Variants in DOCK11 observed in about 807,000 individuals in gnomAD.
The protein encoded by DOCK11 is dedicator of cytokinesis protein 11.
DOCK11 carries 70 observed loss-of-function variants against 169.1 expected under a neutral mutation model. The observed-to-expected ratio is 0.41, with a 90% CI of 0.34 to 0.51. The LOEUF is 0.51. Ranked by LOEUF, DOCK11 falls within the 20% of genes least tolerant of loss-of-function variation. The pLI, the probability that DOCK11 is intolerant of heterozygous loss-of-function variation, is 0.10. For missense variants in DOCK11, 1,166 were observed against 1,538.8 expected, an observed-to-expected ratio of 0.76 and a Z score of 4.05; for synonymous variants, 529 against 541.3, an observed-to-expected ratio of 0.98 and a Z score of 0.32.
At chrX:118,636,090 C>T (rs773138828) in intron 35 of DOCK11, among the ~76,000 whole-genome samples, 4 of 111,524 alleles carry the variant, frequency 3.6e-5, no homozygotes, top group Non-Finnish European at 7.5e-5. Context: ...TTGGGATAAG[C>T]GACCCAAAAG....
rs200336678 is a variant in DOCK11, at chrX:118,543,499, A to G, written c.310-12A>G. On this transcript the variant is annotated splice_polypyrimidine_tract_variant and intron_variant, in intron 3 of 52. Transcript: ENST00000276202. ...CCTATATTTCAAATTCAAGATTCCT[A>G]TTTTCTTTCAGTGTATTAAAACCTA... is the stretch of plus-strand genomic sequence containing the variant. 2 of 1,174,166 alleles carry G rather than the reference A, an allele frequency of 1.7e-6. No individual in the cohort carries two copies.
intron 49 of DOCK11, 65 bp downstream of exon 49, chrX:118,680,757 A>C (rs2016724911): frequency 1.1e-6 from 1 of 890,729 alleles, no homozygotes; most frequent in Non-Finnish European, 1.6e-6. Context: ...CACGAGTAGC[A>C]GCTGGCCAGC....
chrX:118,586,468 C>G (rs1233777873), intron 16 of DOCK11, among the ~76,000 whole-genome samples: 1 of 111,190 alleles, frequency 9.0e-6, no homozygotes, highest in Non-Finnish European at 1.9e-5. Context: ...AACTCACTCA[C>G]TATCACAAGA....
At chrX:118,678,864 G>A in intron 48 of DOCK11, among the ~76,000 whole-genome samples, 1 of 110,633 alleles carries the variant, frequency 9.0e-6, no homozygotes, top group Non-Finnish European at 1.9e-5. Context: ...TTGACCTCCT[G>A]TGCTCAAGCG....
rs181098017 is a variant in DOCK11, at chrX:118,618,104, T to C, written c.3293-446T>C. On this transcript the variant is annotated intron_variant, in intron 30 of 52. Transcript: ENST00000276202. ...ACTGTCAGACTATTCAGTTGTTTAG[T>C]TTGTCTTTTCCCACTTTATAAGTAT... Among the ~76,000 whole-genome samples, 83 of 112,127 alleles carry C rather than the reference T, an allele frequency of 7.4e-4. 1 individual carries two copies. The highest frequency in any genetic ancestry group is 6.6e-3 in the Admixed American group (69 of 10,513).
At chrX:118,509,728 G>GTTCCAGTT (rs2057637610) in intron 1 of DOCK11, among the ~76,000 whole-genome samples, 1 of 112,463 alleles carries the variant, frequency 8.9e-6, no homozygotes, top group Non-Finnish European at 1.9e-5. Context: ...ACACAGATGT[G>GTTCCAGTT]TTCCAGTTCT....
chrX:118,644,292 TTTC>T (rs1486058910), intron 40 of DOCK11, among the ~76,000 whole-genome samples: 1 of 112,254 alleles, frequency 8.9e-6, no homozygotes, highest in African/African-American at 3.2e-5. Flanking sequence ...AGAAATTCAG[TTTC>T]TTTATTTGTG....
rs779902302 is a variant in DOCK11 at position 118,654,919 on chromosome X, G to A, written c.4927G>A (p.Val1643Ile). The change falls in exon 44 of 53, where the codon GTC (valine) becomes ATC (isoleucine). Residue 1643 changes from valine to isoleucine, a missense_variant. By Grantham distance (29) the Val-to-Ile change is conservative (BLOSUM62 3). Transcript: ENST00000276202. ...CCTTTTTCAGGCTGCGATGTGTTAT[G>A]TCCATGTAGCAGCTCTAGTTGCAGA... ...GDFSEAAMCY[V>I]HVAALVAEFL... 4.1e-6 allele frequency: 5 copies of A among 1,209,973 alleles called. No homozygotes were observed. The highest frequency in any genetic ancestry group is 2.3e-4 in the Middle Eastern group (1 of 4,347).
intron 28 of DOCK11, among the ~76,000 whole-genome samples, chrX:118,613,343 A>G (rs777010477): frequency 1.7e-4 from 19 of 112,014 alleles, no homozygotes; most frequent in Admixed American, 1.6e-3. Flanking sequence ...AGTATAAAGG[A>G]GAGTATGAGA....
intron 20 of DOCK11, among the ~76,000 whole-genome samples, chrX:118,596,362 T>A (rs756914351): frequency 2.7e-5 from 3 of 112,327 alleles, no homozygotes; most frequent in Non-Finnish European, 5.6e-5. Context: ...GAAGCAATGT[T>A]TTAGTCTCCT....
intron 14 of DOCK11, among the ~76,000 whole-genome samples, chrX:118,581,393 G>A (rs1438725635): frequency 9.0e-6 from 1 of 111,382 alleles, no homozygotes; most frequent in African/African-American, 3.3e-5. Context: ...AGTAGCAGAG[G>A]TTGGTGTATG....
At chrX:118,582,759 T>C (rs1362805215) in intron 14 of DOCK11, among the ~76,000 whole-genome samples, 2 of 110,042 alleles carry the variant, frequency 1.8e-5, no homozygotes, top group Admixed American at 9.7e-5. Flanking sequence ...AGAATGGCGG[T>C]CATTAAAAAG....
At position 118,679,047 on chromosome X, in the gene DOCK11, C is replaced by T. The variant is rs187018977; in HGVS notation, c.5461-1435C>T. 2.5e-3 allele frequency among the ~76,000 whole-genome samples: 275 copies of T among 110,972 alleles called. 4 individuals carry two copies. The highest frequency in any genetic ancestry group is 0.02 in the Admixed American group (210 of 10,389). Reference sequence around the variant, plus strand: ...GTTCAAGCAATCCTCCTGTCTTAGCCTCCTGAATAGGTGGGACTACAGGTG... The same window carrying T: ...GTTCAAGCAATCCTCCTGTCTTAGCTTCCTGAATAGGTGGGACTACAGGTG... On this transcript the variant is annotated intron_variant, in intron 48 of 52. Coordinates refer to ENST00000276202, the MANE Select transcript of DOCK11 (RefSeq NM_144658.4).
At chrX:118,647,203 A>G (rs1317659778) in intron 40 of DOCK11, among the ~76,000 whole-genome samples, 1 of 101,058 alleles carries the variant, frequency 9.9e-6, no homozygotes. Flanking sequence ...CCTATATCCC[A>G]TTTGTTAAAA....
chrX:118,615,248 T>C (rs1433564310), intron 29 of DOCK11, among the ~76,000 whole-genome samples: 2 of 112,157 alleles, frequency 1.8e-5, no homozygotes, highest in Non-Finnish European at 3.8e-5. Flanking sequence ...GGGCTGATTA[T>C]GTGTTGGAGG....
intron 35 of DOCK11, chrX:118,634,297 G>A (rs1333021862): frequency 9.0e-6 from 1 of 111,568 alleles, no homozygotes; most frequent in Non-Finnish European, 1.9e-5. Flanking sequence ...CTACACCCTC[G>A]TTCCCTGCCT....
At chrX:118,543,865 T>C (rs1439335870) in intron 4 of DOCK11, among the ~76,000 whole-genome samples, 3 of 111,466 alleles carry the variant, frequency 2.7e-5, no homozygotes, top group Non-Finnish European at 3.8e-5. Flanking sequence ...CAGGACAATG[T>C]TGTAAACCCG....
rs757593873 is a variant in DOCK11 at position 118,562,533 on chromosome X, G to T, written c.693+1016G>T. On this transcript the variant is annotated intron_variant, in intron 7 of 52. Transcript: ENST00000276202. The stretch of plus-strand genomic sequence containing the variant: ...CTCTTGATTTATTGTCTTACAGAGT[G>T]AACTCTAAAGCTTTTGCCCTGACAT... Among the ~76,000 whole-genome samples the T allele has an allele frequency of 9.0e-5, 10 of 111,618 alleles. No homozygotes were observed. In the South Asian group the frequency reaches 3.8e-3, roughly 42 times the overall value.
intron 42 of DOCK11, among the ~76,000 whole-genome samples, chrX:118,652,503 G>A (rs1191892144): frequency 9.0e-6 from 1 of 111,456 alleles, no homozygotes; most frequent in Non-Finnish European, 1.9e-5. Flanking sequence ...CTGATCCATT[G>A]CCAATGGATG....
Sources: allele counts gnomAD v4.1 joint callset (sites outside exome capture counted in the v4.1 genomes callset), GRCh38; gene constraint gnomAD v4.1.1; transcripts MANE v1.5; gene names NCBI Gene and HGNC (gene_info 2026-07-23, HGNC 2026-07-21).